Variants in UBE2G2 observed in about 807,000 individuals in gnomAD.
UBE2G2 encodes ubiquitin-conjugating enzyme E2 G2.
UBE2G2 carries 10 observed loss-of-function variants against 23.0 expected under a neutral mutation model. The ratio of observed to expected loss-of-function variants is 0.43; its 90% CI spans 0.27 to 0.74. The LOEUF is 0.74. Ranked by LOEUF, UBE2G2 falls within the 30% of genes least tolerant of loss-of-function variation. The pLI is 0.19. For synonymous variants in UBE2G2, 86 were observed against 81.3 expected (o/e 1.06, Z -0.31); for missense variants, 150 against 218.3 (o/e 0.69, Z 1.97).
intron 1 of UBE2G2, among the ~76,000 whole-genome samples, chr21:44,797,741 A>AAAAT (rs869172926): frequency 9.3e-6 from 1 of 107,974 alleles, no homozygotes; most frequent in Non-Finnish European, 1.8e-5. Context: ...AAAAAAAAAA[A>AAAAT]GAGAAAATAC....
intron 1 of UBE2G2, 23 bp downstream of exon 1, chr21:44,801,683 A>G (rs2083139910): frequency 6.6e-7 from 1 of 1,508,756 alleles, no homozygotes; most frequent in South Asian, 1.3e-5. Context: ...GACGCTGCTG[A>G]CGGCCCGGGT....
At chr21:44,794,760 T>A (rs1555963431) in intron 1 of UBE2G2, among the ~76,000 whole-genome samples, 3 of 152,096 alleles carry the variant, frequency 2.0e-5, no homozygotes, top group Non-Finnish European at 4.4e-5. Context: ...GGTCTCCATC[T>A]CCTGACCTCG....
At chr21:44,781,329 G>A (rs1419045501) in intron 3 of UBE2G2, among the ~76,000 whole-genome samples, 1 of 152,164 alleles carries the variant, frequency 6.6e-6, no homozygotes, top group African/African-American at 2.4e-5. Flanking sequence ...GGGCATGAGG[G>A]CTCCCGGCAT....
At chr21:44,801,618 C>G (rs1555964822) in intron 1 of UBE2G2, 88 bp downstream of exon 1, 6 of 1,425,828 alleles carry the variant, frequency 4.2e-6, no homozygotes. Context: ...GCTCCCCCGC[C>G]AGGCTCCCTG....
chr21:44,780,076 C>A (rs2082944408), intron 3 of UBE2G2, among the ~76,000 whole-genome samples: 1 of 152,152 alleles, frequency 6.6e-6, no homozygotes. Context: ...CATAATAGGG[C>A]TTTCTTTAAA....
intron 3 of UBE2G2, 127 bp from the exon 4 acceptor site, chr21:44,777,544 A>C (rs916741302): frequency 3.4e-5 from 30 of 882,804 alleles, no homozygotes; most frequent in Non-Finnish European, 4.9e-5. Flanking sequence ...GCGGTGGCTC[A>C]CGCCTGTAAT....
At chr21:44,784,072 T>C (rs1481548624) in intron 3 of UBE2G2, among the ~76,000 whole-genome samples, 12 of 151,922 alleles carry the variant, frequency 7.9e-5, no homozygotes, top group Non-Finnish European at 1.6e-4. Flanking sequence ...GGGAGGATTG[T>C]TTGAGCCTGG....
intron 1 of UBE2G2, among the ~76,000 whole-genome samples, chr21:44,790,274 T>C (rs539795003): frequency 6.6e-6 from 1 of 152,356 alleles, no homozygotes; most frequent in South Asian, 2.1e-4. Context: ...TTGGTTACCC[T>C]TTGGGAAAGA....
chr21:44,801,778 C>A lies in UBE2G2; in HGVS notation c.-30G>T, dbSNP rs886638263. On this transcript the variant is annotated 5_prime_UTR_variant, in exon 1 of 6. Coordinates refer to ENST00000345496, the MANE Select transcript of UBE2G2 (RefSeq NM_003343.6). ...CCGCAACAGCTGCGCCGAGCGACCT[C>A]GCCTCAGCCGCGCGCGTGCCTCCTG... is the stretch of plus-strand genomic sequence containing the variant. The A allele has an allele frequency of 4.0e-6, 6 of 1,507,170 alleles. No individual in the cohort carries two copies. The African/African-American group carries it at 5.8e-5, about 15-fold the overall frequency. 93.4% of individuals were successfully genotyped at this position (1,507,170 alleles called of 1,614,324 possible).
At chr21:44,783,669 C>G (rs782147594) in intron 3 of UBE2G2, among the ~76,000 whole-genome samples, 1 of 152,176 alleles carries the variant, frequency 6.6e-6, no homozygotes, top group Admixed American at 6.5e-5. Flanking sequence ...AAAGGCAAAT[C>G]TATAGTCAGA....
chr21:44,784,683 G>A (rs1485667111), intron 3 of UBE2G2, among the ~76,000 whole-genome samples: 1 of 152,102 alleles, frequency 6.6e-6, no homozygotes, highest in East Asian at 1.9e-4. Context: ...TAGAAGCCGC[G>A]GCAGCCTGGG....
In UBE2G2 at chr21:44,797,491, C is replaced by T. The variant is rs2083100590; in HGVS notation, c.43+4215G>A. The stretch of plus-strand genomic sequence containing the variant: ...CAGCACTTTGGGAGGCCGAGGCTGG[C>T]GGATCACGAGGTCAGGAGATCGAGA... On this transcript the variant is annotated intron_variant, in intron 1 of 5. Transcript: ENST00000345496. 3.3e-5 allele frequency among the ~76,000 whole-genome samples: 5 copies of T among 151,956 alleles called. No homozygotes were observed. In the South Asian group the frequency reaches 1.0e-3, roughly 32 times the overall value.
intron 4 of UBE2G2, chr21:44,776,713 TTCC>T (rs2082916502): frequency 6.6e-6 from 1 of 152,658 alleles, no homozygotes; most frequent in African/African-American, 2.4e-5. Flanking sequence ...GATCTGATGG[TTCC>T]GTAAAGGGCA....
intron 1 of UBE2G2, among the ~76,000 whole-genome samples, chr21:44,794,415 G>A (rs1477523284): frequency 1.3e-5 from 2 of 152,030 alleles, no homozygotes; most frequent in Non-Finnish European, 2.9e-5. Flanking sequence ...AGAAATCATA[G>A]GAGAAAATCC....
rs139809667 is a variant in UBE2G2 at position 44,796,764 on chromosome 21, A to G, written c.43+4942T>C. On this transcript the variant is annotated intron_variant, in intron 1 of 5. Transcript: ENST00000345496. ...TGCTCAGAGTCTCACCAGGGCTGCC[A>G]CTCCAAGTTCATTGAGGTTGCTGAC... Among the ~76,000 whole-genome samples, 16 of 152,260 alleles carry G rather than the reference A, an allele frequency of 1.1e-4. No homozygotes were observed. The East Asian group carries it at 1.9e-3, about 18-fold the overall frequency.
intron 1 of UBE2G2, among the ~76,000 whole-genome samples, chr21:44,789,080 A>G (rs2083022795): frequency 6.6e-6 from 1 of 152,060 alleles, no homozygotes; most frequent in Non-Finnish European, 1.5e-5. Context: ...CCAAGACACT[A>G]TCTTTAAAAA....
intron 1 of UBE2G2, among the ~76,000 whole-genome samples, chr21:44,793,895 C>G (rs2083064912): frequency 6.6e-6 from 1 of 152,146 alleles, no homozygotes; most frequent in Non-Finnish European, 1.5e-5. Context: ...ACTTGAGTGT[C>G]TATCAACAGA....
intron 4 of UBE2G2, chr21:44,774,660 C>A (rs1040090015): frequency 2.2e-6 from 1 of 454,354 alleles, no homozygotes; most frequent in Non-Finnish European, 4.4e-6. Flanking sequence ...GCTCTACTAT[C>A]CAGGAACTGA....
In UBE2G2 at chr21:44,786,893, A is replaced by C. The variant is rs553120364; in HGVS notation, c.125+1027T>G. The stretch of plus-strand genomic sequence containing the variant: ...GAACACCTGAGGTCAGAAGTTCGAG[A>C]CCAGCCTGGCCAACATGGGGAAACC... On this transcript the variant is annotated intron_variant, in intron 3 of 5. Coordinates refer to ENST00000345496, the MANE Select transcript of UBE2G2 (RefSeq NM_003343.6). Among the ~76,000 whole-genome samples, 311 of 152,292 alleles carry C rather than the reference A, an allele frequency of 2.0e-3. 1 individual carries two copies. The highest frequency in any genetic ancestry group is 2.9e-3 in the Non-Finnish European group (197 of 68,020).
Sources: allele counts gnomAD v4.1 joint callset (sites outside exome capture counted in the v4.1 genomes callset), GRCh38; gene constraint gnomAD v4.1.1; transcripts MANE v1.5; gene names NCBI Gene and HGNC (gene_info 2026-07-23, HGNC 2026-07-21).